Variants in SH3RF1 observed in about 807,000 individuals in gnomAD.
The protein encoded by SH3RF1 is SH3 domain containing ring finger 1, also known as E3 ubiquitin-protein ligase SH3RF1.
Under a neutral mutation model 74.0 loss-of-function variants are expected in SH3RF1, and 32 were observed. The observed-to-expected ratio is 0.43, with a 90% CI of 0.33 to 0.58. The LOEUF (loss-of-function observed/expected upper bound fraction) is 0.58. SH3RF1 is among the 20% of genes least tolerant of loss of function. SH3RF1 has a pLI of 0.05. For synonymous variants in SH3RF1, 396 were observed against 439.6 expected, an observed-to-expected ratio of 0.90 and a Z score of 1.24; for missense variants, 954 against 1,130.9, an observed-to-expected ratio of 0.84 and a Z score of 2.24.
At chr4:169,247,265 G>C (rs1457978674) in intron 2 of SH3RF1, among the ~76,000 whole-genome samples, 1 of 152,216 alleles carries the variant, frequency 6.6e-6, no homozygotes, top group Admixed American at 6.5e-5. Flanking sequence ...TTTAGACAGA[G>C]ATTGCAGTGG....
At chr4:169,121,045 G>C (rs186725800) in intron 7 of SH3RF1, 56 bp from the exon 8 acceptor site, 1 of 1,429,180 alleles carries the variant, frequency 7.0e-7, no homozygotes, top group East Asian at 2.3e-5. Context: ...ATCCCAAGAT[G>C]CTCAAAATTC....
chr4:169,219,931 C>G (rs1031197624), intron 2 of SH3RF1: 1 of 152,060 alleles, frequency 6.6e-6, no homozygotes, highest in African/African-American at 2.4e-5. Context: ...CTTGGATAGA[C>G]AGTTTGTTAT....
intron 2 of SH3RF1, among the ~76,000 whole-genome samples, chr4:169,262,645 T>C (rs999239920): frequency 6.6e-6 from 1 of 152,106 alleles, no homozygotes; most frequent in Admixed American, 6.6e-5. Flanking sequence ...CCAGCCTGGG[T>C]GACAGAGTGA....
chr4:169,111,068 G>T (rs992307391), intron 10 of SH3RF1, among the ~76,000 whole-genome samples: 1 of 151,862 alleles, frequency 6.6e-6, no homozygotes, highest in South Asian at 2.1e-4. Context: ...AGCACTTTGG[G>T]AGGCCGAGGC....
At chr4:169,097,138 G>A (rs1579079681) in intron 11 of SH3RF1, among the ~76,000 whole-genome samples, 2 of 152,314 alleles carry the variant, frequency 1.3e-5, no homozygotes, top group East Asian at 3.9e-4. Context: ...ACAGGCTAAG[G>A]AGGCTCTGCT....
chr4:169,106,766 A>T, intron 11 of SH3RF1, 81 bp downstream of exon 11: 1 of 1,179,696 alleles, frequency 8.5e-7, no homozygotes, highest in South Asian at 1.7e-5. Context: ...GTGGCAAAAC[A>T]TCTTAAATAT....
chr4:169,138,439 C>G (rs1032320081), intron 4 of SH3RF1, among the ~76,000 whole-genome samples: 1 of 152,162 alleles, frequency 6.6e-6, no homozygotes, highest in Non-Finnish European at 1.5e-5. Context: ...GAAAAAGGAG[C>G]CAGAGAATGT....
intron 2 of SH3RF1, among the ~76,000 whole-genome samples, chr4:169,248,085 C>T (rs1397431939): frequency 6.6e-6 from 1 of 152,206 alleles, no homozygotes; most frequent in Non-Finnish European, 1.5e-5. Flanking sequence ...TGTGGCACTT[C>T]CTCAAGGATC....
chr4:169,232,409 C>G (rs1035181089), intron 2 of SH3RF1, among the ~76,000 whole-genome samples: 9 of 152,258 alleles, frequency 5.9e-5, no homozygotes, highest in East Asian at 1.9e-4. Flanking sequence ...TGTGGCGTGA[C>G]AACTGTTATT....
At chr4:169,131,925 A>G (rs1159604453) in intron 5 of SH3RF1, among the ~76,000 whole-genome samples, 4 of 152,230 alleles carry the variant, frequency 2.6e-5, no homozygotes, top group African/African-American at 7.2e-5. Context: ...ATTGTGGGCC[A>G]GCACTTCATT....
chr4:169,169,055 C>T (rs1341884730), intron 2 of SH3RF1, among the ~76,000 whole-genome samples: 2 of 152,104 alleles, frequency 1.3e-5, no homozygotes, highest in Non-Finnish European at 2.9e-5. Flanking sequence ...AACCAAGCTG[C>T]CTTTTATCTT....
intron 2 of SH3RF1, among the ~76,000 whole-genome samples, chr4:169,178,309 AATAAG>A (rs1734455010): frequency 1.9e-5 from 1 of 52,530 alleles, no homozygotes; most frequent in Non-Finnish European, 5.6e-5. Flanking sequence ...TATTTAAAAA[AATAAG>A]CAACTATGCT....
chr4:169,166,573 T>G (rs1029299980), intron 2 of SH3RF1: 3 of 201,660 alleles, frequency 1.5e-5, no homozygotes, highest in African/African-American at 4.7e-5. Flanking sequence ...AGAAGAATGG[T>G]GGTAACCTAG....
At chr4:169,142,381 T>C (rs973519073) in intron 4 of SH3RF1, among the ~76,000 whole-genome samples, 1 of 152,256 alleles carries the variant, frequency 6.6e-6, no homozygotes, top group Non-Finnish European at 1.5e-5. Context: ...TTTTCCACTA[T>C]TGCATCTTGA....
chr4:169,197,350 C>T (rs926576257), intron 2 of SH3RF1, among the ~76,000 whole-genome samples: 7 of 151,870 alleles, frequency 4.6e-5, no homozygotes, highest in Non-Finnish European at 7.4e-5. Context: ...CCCAGCAGGG[C>T]GCAGAGGCTT....
chr4:169,260,673 C>A (rs1273558353), intron 2 of SH3RF1, among the ~76,000 whole-genome samples: 1 of 152,136 alleles, frequency 6.6e-6, no homozygotes, highest in Non-Finnish European at 1.5e-5. Flanking sequence ...TAATTTCTCT[C>A]CTTCAGTCAC....
chr4:169,152,335 T>C (rs932469287), intron 4 of SH3RF1, among the ~76,000 whole-genome samples: 1 of 152,132 alleles, frequency 6.6e-6, no homozygotes, highest in Non-Finnish European at 1.5e-5. Context: ...CCAGGGCCAT[T>C]TATATAGCCA....
chr4:169,116,204 A>T, intron 10 of SH3RF1, 65 bp downstream of exon 10: 3 of 1,534,216 alleles, frequency 2.0e-6, no homozygotes, highest in Non-Finnish European at 2.6e-6. Flanking sequence ...AATGACAGAC[A>T]CAACATAAGA....
chr4:169,228,152 T>C (rs1443246245), intron 2 of SH3RF1, among the ~76,000 whole-genome samples: 1 of 152,220 alleles, frequency 6.6e-6, no homozygotes, highest in Non-Finnish European at 1.5e-5. Context: ...AATGTATACC[T>C]TCTGCAAGAA....
Sources: allele counts gnomAD v4.1 joint callset (sites outside exome capture counted in the v4.1 genomes callset), GRCh38; gene constraint gnomAD v4.1.1; transcripts MANE v1.5; gene names NCBI Gene and HGNC (gene_info 2026-07-23, HGNC 2026-07-21).